IL6ST: variants seen among roughly 807,000 people sequenced by gnomAD.
The protein encoded by IL6ST is interleukin-6 receptor subunit beta.
IL6ST carries 24 observed loss-of-function variants against 91.3 expected under a neutral mutation model. The ratio of observed to expected loss-of-function variants is 0.26; its 90% CI spans 0.19 to 0.37. The LOEUF (loss-of-function observed/expected upper bound fraction) is 0.37. IL6ST is among the 10% of genes least tolerant of loss of function. The pLI, the probability that IL6ST is intolerant of heterozygous loss-of-function variation, is 1.00. For synonymous variants in IL6ST, 351 were observed against 373.6 expected (o/e 0.94, Z 0.70); for missense variants, 914 against 1,078.5 (o/e 0.85, Z 2.14).
intron 1 of IL6ST, among the ~76,000 whole-genome samples, chr5:55,983,677 A>G (rs1211573353): frequency 6.6e-6 from 1 of 152,172 alleles, no homozygotes; most frequent in Non-Finnish European, 1.5e-5. Context: ...TTAAATGTCT[A>G]ATGAAAAGAA....
At chr5:55,959,886 T>C (rs1239649053) in intron 8 of IL6ST, among the ~76,000 whole-genome samples, 3 of 151,386 alleles carry the variant, frequency 2.0e-5, no homozygotes, top group Middle Eastern at 3.4e-3. Flanking sequence ...CATTCCATGA[T>C]GAATTTTTTT....
chr5:55,941,200 C>A lies in IL6ST; in HGVS notation c.2639G>T (p.Gly880Val). 1 of 1,614,144 alleles carries A rather than the reference C, an allele frequency of 6.2e-7. No homozygotes were observed. The change falls in exon 17 of 17, where the codon GGT becomes GTT. Residue 880 changes from glycine to valine, a missense_variant. Coordinates refer to ENST00000381298, the MANE Select transcript of IL6ST (RefSeq NM_002184.4). Reference protein sequence around the residue: ...EVSAADAFGPGTEGQVERFET... With the variant: ...EVSAADAFGPVTEGQVERFET... ...AAATCTTTCTACTTGTCCCTCAGTA[C>A]CTGGACCAAAAGCATCTGCTGCAGA... is the stretch of plus-strand genomic sequence containing the variant.
rs935598145 is a variant in IL6ST, at chr5:55,936,234, A to C, written c.*4848T>G. 5 of 227,916 alleles carry C rather than the reference A, an allele frequency of 2.2e-5. No individual in the cohort carries two copies. The highest frequency in any genetic ancestry group is 4.4e-5 in the Non-Finnish European group (5 of 114,832). 14.1% of individuals were successfully genotyped at this position (227,916 alleles called of 1,614,324 possible). A position where few individuals can be genotyped will look rare whatever the true frequency, so the allele number is the denominator to read the frequency against. ...TGCCATGTATCAATCTTGAACTTCA[A>C]GTCTCACTGCAACAAGGATGGAGAC... is the stretch of plus-strand genomic sequence containing the variant. On this transcript the variant is annotated 3_prime_UTR_variant, in exon 17 of 17. Transcript: ENST00000381298.
chr5:55,955,440 G>A (rs746389959), intron 10 of IL6ST, among the ~76,000 whole-genome samples: 6 of 151,848 alleles, frequency 4.0e-5, no homozygotes, highest in Non-Finnish European at 7.4e-5. Flanking sequence ...GAGCAAGACT[G>A]TCTCAAAAAG....
intron 1 of IL6ST, among the ~76,000 whole-genome samples, chr5:55,985,520 C>CAA (rs34568464): frequency 3.0e-3 from 390 of 131,242 alleles, no homozygotes; most frequent in African/African-American, 7.1e-3. Context: ...GACTCCTTCT[C>CAA]AAAAAAAAAA....
Position 55,980,411 on chromosome 5 carries a change from G to A in IL6ST, c.-16+2313C>T, listed in dbSNP as rs571041505. 4.6e-5 allele frequency among the ~76,000 whole-genome samples: 7 copies of A among 152,218 alleles called. No homozygotes were observed. The South Asian group carries it at 8.3e-4, about 18-fold the overall frequency. Reference sequence around the variant, plus strand: ...CTAAAAATACAAAAAGTAGCTGGGCGTGGTGGTGGGCACCTGTAATCCCAG... The same window carrying A: ...CTAAAAATACAAAAAGTAGCTGGGCATGGTGGTGGGCACCTGTAATCCCAG... On this transcript the variant is annotated intron_variant, in intron 2 of 16. Transcript: ENST00000381298.
chr5:55,981,073 G>A (rs111516239), intron 2 of IL6ST, among the ~76,000 whole-genome samples: 29 of 152,248 alleles, frequency 1.9e-4, no homozygotes, highest in Admixed American at 6.5e-4. Flanking sequence ...AGAACAAGAG[G>A]TCCATGAAAG....
At chr5:55,952,400 C>A in intron 11 of IL6ST, 49 bp from the exon 12 acceptor site, 1 of 989,500 alleles carries the variant, frequency 1.0e-6, no homozygotes, top group South Asian at 1.6e-5. Context: ...ATGAAAAAGT[C>A]AAGTTAATAC....
intron 3 of IL6ST, among the ~76,000 whole-genome samples, chr5:55,974,529 G>A (rs1413081976): frequency 6.6e-6 from 1 of 151,992 alleles, no homozygotes; most frequent in African/African-American, 2.4e-5. Context: ...CTGTCACCCA[G>A]ACTGGAGTGC....
At chr5:55,981,527 C>T (rs1453794150) in intron 2 of IL6ST, among the ~76,000 whole-genome samples, 1 of 152,050 alleles carries the variant, frequency 6.6e-6, no homozygotes, top group Non-Finnish European at 1.5e-5. Context: ...CCTATAGTCC[C>T]AGCTACTCAG....
At chr5:55,961,293 T>C (rs1187243353) in intron 7 of IL6ST, among the ~76,000 whole-genome samples, 1 of 152,184 alleles carries the variant, frequency 6.6e-6, no homozygotes, top group Non-Finnish European at 1.5e-5. Context: ...CAAGGAGGGC[T>C]TCATAAAGGG....
rs530972550 is a variant in IL6ST, at chr5:55,988,964, A to T, written c.-104+5820T>A. ...CATCTCTATAAAAAATAAAAAAAAA[A>T]TAAAAAAAAAAATCAGCCGGGCATG... On this transcript the variant is annotated intron_variant, in intron 1 of 16. Coordinates refer to ENST00000381298, the MANE Select transcript of IL6ST (RefSeq NM_002184.4). 2.5e-4 allele frequency among the ~76,000 whole-genome samples: 38 copies of T among 150,774 alleles called. No individual in the cohort carries two copies. In the South Asian group the frequency reaches 7.7e-3, roughly 31 times the overall value.
chr5:55,971,591 AC>A (rs1260701053), intron 3 of IL6ST, among the ~76,000 whole-genome samples: 1 of 152,104 alleles, frequency 6.6e-6, no homozygotes, highest in Non-Finnish European at 1.5e-5. Context: ...CTGGGTAGTT[AC>A]CCATGAAGTG....
intron 2 of IL6ST, among the ~76,000 whole-genome samples, chr5:55,978,919 A>G (rs1055608527): frequency 6.6e-6 from 1 of 152,242 alleles, no homozygotes; most frequent in African/African-American, 2.4e-5. Flanking sequence ...AATACCTCCA[A>G]AGACATCTAC....
intron 2 of IL6ST, among the ~76,000 whole-genome samples, chr5:55,980,366 A>G (rs939819918): frequency 6.6e-5 from 10 of 152,178 alleles, no homozygotes; most frequent in African/African-American, 2.4e-4. Context: ...CCTGGCCTAC[A>G]TGGTGAAACC....
chr5:55,949,216 C>T (rs1741867351), intron 14 of IL6ST, among the ~76,000 whole-genome samples: 6 of 152,100 alleles, frequency 3.9e-5, no homozygotes, highest in Admixed American at 3.9e-4. Context: ...GTGGCTCATA[C>T]CTGTAATCCG....
At chr5:55,976,698 C>T (rs535105446) in intron 2 of IL6ST, among the ~76,000 whole-genome samples, 32 of 151,922 alleles carry the variant, frequency 2.1e-4, no homozygotes, top group African/African-American at 1.2e-4. Context: ...AAAATTTTCC[C>T]GATATATAAA....
In IL6ST at chr5:55,964,277, C is replaced by T. The variant is rs778569096; in HGVS notation, c.527G>A (p.Arg176His). The T allele has an allele frequency of 9.9e-6, 16 of 1,611,702 alleles. No homozygotes were observed. Among genetic ancestry groups the T allele is most frequent in the African/African-American group, 5.3e-5 (4 of 74,806 alleles). The change falls in exon 6 of 17, where the codon CGT becomes CAT. Residue 176 changes from arginine to histidine, a missense_variant. Arg to His is a conservative substitution (Grantham distance 29). Coordinates refer to ENST00000381298, the MANE Select transcript of IL6ST (RefSeq NM_002184.4). ...AACAGTGCATGAGGTGGGGGTGTCACGTTTTGCTTTGCAATCAGCAAACTT... is the reference window on the plus strand; with the variant it reads ...AACAGTGCATGAGGTGGGGGTGTCATGTTTTGCTTTGCAATCAGCAAACTT... ...THKFADCKAK[R>H]DTPTSCTVDY...
In IL6ST at chr5:55,940,107, T is replaced by A. The variant is rs1022966067; in HGVS notation, c.*975A>T. On this transcript the variant is annotated 3_prime_UTR_variant, in exon 17 of 17. Coordinates refer to ENST00000381298, the MANE Select transcript of IL6ST (RefSeq NM_002184.4). ...TTCATCTACCCAGTACTCTGAAGTC[T>A]TAAGAAAAGTCAATGATATGTGTGT... is the stretch of plus-strand genomic sequence containing the variant. 5.8e-6 allele frequency: 1 copy of A among 173,172 alleles called. No homozygotes were observed. Among genetic ancestry groups the A allele is most frequent in the Non-Finnish European group, 1.2e-5 (1 of 85,340 alleles). 10.7% of individuals were successfully genotyped at this position (173,172 alleles called of 1,614,324 possible).
Sources: allele counts gnomAD v4.1 joint callset (sites outside exome capture counted in the v4.1 genomes callset), GRCh38; gene constraint gnomAD v4.1.1; transcripts MANE v1.5; gene names NCBI Gene and HGNC (gene_info 2026-07-23, HGNC 2026-07-21).